The following PCDH15 variants were observed in gnomAD, a reference collection of about 807,000 sequenced individuals.
The protein encoded by PCDH15 is protocadherin-15.
A neutral mutation model predicts 178.5 loss-of-function variants in PCDH15; 129 were observed. That is an observed-to-expected ratio of 0.72 (90% CI 0.63 to 0.84). The LOEUF (loss-of-function observed/expected upper bound fraction) is 0.84. Among genes scored for constraint, PCDH15 ranks in the 40% least tolerant of loss-of-function variants. The pLI, the probability that PCDH15 is intolerant of heterozygous loss-of-function variation, is 0.00. For synonymous variants in PCDH15, 800 were observed against 732.0 expected (o/e 1.09, Z -1.50); for missense variants, 2,230 against 2,099.9 (o/e 1.06, Z -1.21).
At position 54,107,210 on chromosome 10, in the gene PCDH15, A is replaced by C. The variant is rs376127974; in HGVS notation, c.1918-17147T>G. 2.2e-4 allele frequency among the ~76,000 whole-genome samples: 34 copies of C among 152,360 alleles called. No homozygotes were observed. The East Asian group carries it at 2.3e-3, about 10-fold the overall frequency. On this transcript the variant is annotated intron_variant, in intron 15 of 37. Coordinates refer to ENST00000644397, the MANE Select transcript of PCDH15 (RefSeq NM_001384140.1). ...GATTTCATTAACAAGAGATAATATTAACACCAAAAATTGATTTTGTGATCC... is the reference window on the plus strand; with the variant it reads ...GATTTCATTAACAAGAGATAATATTCACACCAAAAATTGATTTTGTGATCC...
chr10:55,049,798 T>A (rs1591859187), intron 2 of PCDH15, among the ~76,000 whole-genome samples: 1 of 152,054 alleles, frequency 6.6e-6, no homozygotes, highest in Non-Finnish European at 1.5e-5. Context: ...GACATTCTTG[T>A]TTCTTAAATA....
intron 1 of PCDH15, among the ~76,000 whole-genome samples, chr10:55,195,486 C>CAAAAAAAAAAA (rs34476628): frequency 1.7e-5 from 2 of 115,224 alleles, no homozygotes; most frequent in African/African-American, 3.5e-5. Flanking sequence ...ACTAAAAATA[C>CAAAAAAAAAAA]AAAAAAAAAA....
intron 28 of PCDH15, among the ~76,000 whole-genome samples, chr10:53,852,814 A>G (rs1292884380): frequency 6.6e-6 from 1 of 152,096 alleles, no homozygotes; most frequent in Non-Finnish European, 1.5e-5. Context: ...GGGATGTCTC[A>G]AGGGAAATAT....
intron 9 of PCDH15, among the ~76,000 whole-genome samples, chr10:54,232,046 A>T (rs1295466092): frequency 1.3e-5 from 2 of 151,910 alleles, no homozygotes; most frequent in Non-Finnish European, 2.9e-5. Context: ...TGTGAGAATG[A>T]CATGAGATTT....
intron 1 of PCDH15, among the ~76,000 whole-genome samples, chr10:54,725,300 T>A (rs963476825): frequency 1.3e-5 from 2 of 150,838 alleles, no homozygotes; most frequent in African/African-American, 2.4e-5. Context: ...AATGTCCATT[T>A]TCTTAGTAAA....
At chr10:55,600,021 AG>A in intron 2 of PCDH15, 1 of 1,274,688 alleles carries the variant, frequency 7.8e-7, no homozygotes, top group Non-Finnish European at 1.0e-6. Flanking sequence ...TAATGCAAAT[AG>A]ATTCAAACAA....
At chr10:54,762,217 G>T (rs535885908) in intron 1 of PCDH15, among the ~76,000 whole-genome samples, 1 of 151,970 alleles carries the variant, frequency 6.6e-6, no homozygotes, top group African/African-American at 2.4e-5. Context: ...TGTCTTATAA[G>T]AAATGCTAAT....
chr10:54,531,905 G>A (rs1422996244), intron 2 of PCDH15, among the ~76,000 whole-genome samples: 1 of 152,092 alleles, frequency 6.6e-6, no homozygotes, highest in Non-Finnish European at 1.5e-5. Flanking sequence ...TTATTTCAGT[G>A]AATGGCATAA....
At chr10:55,079,457 C>T (rs866050788) in intron 2 of PCDH15, among the ~76,000 whole-genome samples, 4 of 152,106 alleles carry the variant, frequency 2.6e-5, no homozygotes, top group African/African-American at 9.7e-5. Flanking sequence ...ACAGACATTG[C>T]AGGTAGTCCA....
At position 55,202,830 on chromosome 10, in the gene PCDH15, C is replaced by T. The variant is rs529319932; in HGVS notation, c.-155-36179G>A. 2.3e-3 allele frequency among the ~76,000 whole-genome samples: 356 copies of T among 152,242 alleles called. 4 individuals carry two copies. Among genetic ancestry groups the T allele is most frequent in the African/African-American group, 8.2e-3 (339 of 41,496 alleles). On this transcript the variant is annotated intron_variant, in intron 1 of 5. Coordinates refer to the PCDH15 transcript ENST00000458638. ...TTGGAAGTTCCTGCTTCGCTATTCT[C>T]TCTCCTGCCTGCTGTGAAGAAGGTG...
At chr10:54,460,782 C>T (rs961045982) in intron 3 of PCDH15, among the ~76,000 whole-genome samples, 1 of 151,858 alleles carries the variant, frequency 6.6e-6, no homozygotes, top group African/African-American at 2.4e-5. Flanking sequence ...ATCGAGGTAG[C>T]GAGTTGAAGG....
At chr10:55,051,070 T>A (rs1841149337) in intron 2 of PCDH15, among the ~76,000 whole-genome samples, 1 of 152,132 alleles carries the variant, frequency 6.6e-6, no homozygotes, top group African/African-American at 2.4e-5. Context: ...TGATCATACA[T>A]CTTACTTTGC....
intron 2 of PCDH15, among the ~76,000 whole-genome samples, chr10:55,367,703 A>C (rs1845402611): frequency 6.6e-6 from 1 of 152,182 alleles, no homozygotes; most frequent in Admixed American, 6.6e-5. Flanking sequence ...AAGCAAAGGA[A>C]ACATTTGATT....
intron 8 of PCDH15, among the ~76,000 whole-genome samples, chr10:54,276,696 T>C (rs2058369155): frequency 6.6e-6 from 1 of 151,700 alleles, no homozygotes; most frequent in Admixed American, 6.6e-5. Context: ...AAGCTCTAAA[T>C]GTATCAAAAC....
chr10:54,929,234 TG>T (rs35596927), intron 2 of PCDH15, among the ~76,000 whole-genome samples: 1 of 152,144 alleles, frequency 6.6e-6, no homozygotes, highest in Non-Finnish European at 1.5e-5. Flanking sequence ...GCTCTAACTC[TG>T]GGGGACTTGT....
chr10:55,536,394 C>CT (rs1183551586), intron 2 of PCDH15, among the ~76,000 whole-genome samples: 1 of 152,016 alleles, frequency 6.6e-6, no homozygotes, highest in Non-Finnish European at 1.5e-5. Context: ...ACTGCTGTAC[C>CT]TCAAAGAATT....
intron 2 of PCDH15, among the ~76,000 whole-genome samples, chr10:55,486,126 T>G (rs1840291902): frequency 6.6e-6 from 1 of 151,714 alleles, no homozygotes; most frequent in South Asian, 2.1e-4. Context: ...GCTTCTGTTT[T>G]GTATTCTTTC....
chr10:54,348,272 C>T (rs956133810), intron 5 of PCDH15, among the ~76,000 whole-genome samples: 2 of 152,086 alleles, frequency 1.3e-5, no homozygotes, highest in African/African-American at 2.4e-5. Flanking sequence ...TAAAAATAAA[C>T]CATAAGTACA....
rs1839299467 is a variant in PCDH15, at chr10:55,170,312, C to T, written c.-155-3661G>A. On this transcript the variant is annotated intron_variant, in intron 1 of 5. Transcript: ENST00000458638. ...ATACAGATGTATGCCACCATATTGG[C>T]TATTTAAAAAAAAAAATTGCAGAGA... Among the ~76,000 whole-genome samples, 4 of 151,412 alleles carry T rather than the reference C, an allele frequency of 2.6e-5. No homozygotes were observed. The South Asian group carries it at 8.3e-4, about 32-fold the overall frequency.
Sources: allele counts gnomAD v4.1 joint callset (sites outside exome capture counted in the v4.1 genomes callset), GRCh38; gene constraint gnomAD v4.1.1; transcripts MANE v1.5; gene names NCBI Gene and HGNC (gene_info 2026-07-23, HGNC 2026-07-21).